RGS7: variants seen among roughly 807,000 people sequenced by gnomAD.
RGS7 encodes the protein regulator of G protein signaling 7.
Under a neutral mutation model 81.1 loss-of-function variants are expected in RGS7, and 27 were observed. That is an observed-to-expected ratio of 0.33 (90% CI 0.25 to 0.46). The LOEUF (loss-of-function observed/expected upper bound fraction) is 0.46, where lower values mean the gene tolerates loss of function less well. Ranked by LOEUF, RGS7 falls within the 20% of genes least tolerant of loss-of-function variation. RGS7 has a pLI of 1.00. For synonymous variants in RGS7, 208 were observed against 207.7 expected (o/e 1.00, Z -0.01); for missense variants, 396 against 607.4 (o/e 0.65, Z 3.66).
intron 9 of RGS7, among the ~76,000 whole-genome samples, chr1:240,829,276 T>C (rs535949373): frequency 1.3e-5 from 2 of 152,236 alleles, no homozygotes; most frequent in South Asian, 4.2e-4. Flanking sequence ...AGTGGTCAGC[T>C]TGGCAGTGTA....
intron 3 of RGS7, among the ~76,000 whole-genome samples, chr1:241,094,608 C>CAAAAA (rs1188508278): frequency 1.1e-4 from 16 of 148,710 alleles, no homozygotes; most frequent in Admixed American, 1.1e-3. Context: ...AACTCTAAAA[C>CAAAAA]CAAAACAAAA....
At chr1:241,245,031 A>G (rs1293783214) in intron 2 of RGS7, among the ~76,000 whole-genome samples, 1 of 152,038 alleles carries the variant, frequency 6.6e-6, no homozygotes, top group East Asian at 1.9e-4. Flanking sequence ...TGGGTGCAGC[A>G]CACCAGCATG....
At chr1:240,913,307 CT>C (rs1465613849) in intron 6 of RGS7, among the ~76,000 whole-genome samples, 1 of 152,016 alleles carries the variant, frequency 6.6e-6, no homozygotes, top group Non-Finnish European at 1.5e-5. Context: ...ACATGCATAC[CT>C]ACATGTAAAA....
intron 2 of RGS7, among the ~76,000 whole-genome samples, chr1:241,121,328 G>T (rs1014358194): frequency 6.6e-6 from 1 of 152,184 alleles, no homozygotes; most frequent in Non-Finnish European, 1.5e-5. Flanking sequence ...TTTTGCAGGA[G>T]AATTTCAAGG....
chr1:241,196,063 C>A (rs1325510790), intron 2 of RGS7, among the ~76,000 whole-genome samples: 1 of 151,498 alleles, frequency 6.6e-6, no homozygotes, highest in Non-Finnish European at 1.5e-5. Context: ...TTTCTGAAAA[C>A]CAAAGTCAAA....
chr1:241,194,464 A>G (rs989973990), intron 2 of RGS7, among the ~76,000 whole-genome samples: 1 of 152,236 alleles, frequency 6.6e-6, no homozygotes, highest in Non-Finnish European at 1.5e-5. Context: ...ACTAAAAGCT[A>G]TATTCTAACA....
At chr1:241,222,741 G>T (rs2075083445) in intron 2 of RGS7, among the ~76,000 whole-genome samples, 2 of 152,096 alleles carry the variant, frequency 1.3e-5, no homozygotes, top group African/African-American at 4.8e-5. Context: ...CACAGCTAAG[G>T]AGTAGAGCCC....
rs556423368 is a variant in RGS7 at position 241,195,133 on chromosome 1, T to C, written c.79-96371A>G. ...CTGAAGCCTCAAAATGCCTTGCAAG[T>C]TTTCATCTAAAATGTATGACACTCA... On this transcript the variant is annotated intron_variant, in intron 2 of 18. Transcript: ENST00000440928. 2.6e-5 allele frequency among the ~76,000 whole-genome samples: 4 copies of C among 152,236 alleles called. No individual in the cohort carries two copies. In the South Asian group the frequency reaches 8.3e-4, roughly 32 times the overall value.
At chr1:241,180,406 C>A (rs1483726997) in intron 2 of RGS7, among the ~76,000 whole-genome samples, 3 of 151,430 alleles carry the variant, frequency 2.0e-5, no homozygotes, top group African/African-American at 7.3e-5. Flanking sequence ...ACAACAACAA[C>A]AACAAAAAAC....
intron 2 of RGS7, among the ~76,000 whole-genome samples, chr1:241,313,401 T>A (rs970611942): frequency 6.6e-6 from 1 of 152,186 alleles, no homozygotes; most frequent in Middle Eastern, 3.2e-3. Flanking sequence ...GCTGGTGACT[T>A]TAAGTTTATG....
At position 240,833,961 on chromosome 1, in the gene RGS7, A is replaced by G. The variant is rs1694269330; in HGVS notation, c.610-6789T>C. On this transcript the variant is annotated intron_variant, in intron 9 of 18. Transcript: ENST00000440928. ...ATGTCTGGCTAATATTTTATTTTTAATTTTTAGTAGAGACAGGGTCTTGCT... is the reference window on the plus strand; with the variant it reads ...ATGTCTGGCTAATATTTTATTTTTAGTTTTTAGTAGAGACAGGGTCTTGCT... 2.0e-5 allele frequency among the ~76,000 whole-genome samples: 3 copies of G among 152,060 alleles called. No homozygotes were observed. The South Asian group carries it at 6.2e-4, about 32-fold the overall frequency.
chr1:240,811,827 G>A (rs2103097484), intron 14 of RGS7, 91 bp downstream of exon 14: 1 of 1,148,190 alleles, frequency 8.7e-7, no homozygotes, highest in Non-Finnish European at 1.3e-6. Flanking sequence ...TGATGTTAGT[G>A]GAAGAATAAT....
intron 11 of RGS7, among the ~76,000 whole-genome samples, chr1:240,816,085 GTAAA>G (rs1217617741): frequency 6.6e-6 from 1 of 152,212 alleles, no homozygotes; most frequent in Non-Finnish European, 1.5e-5. Context: ...AAGGATTTGG[GTAAA>G]TAAAGAGTGA....
intron 2 of RGS7, among the ~76,000 whole-genome samples, chr1:241,259,667 A>AAAAAAAAAAAAAAAAAAATATATATAT: frequency 2.0e-5 from 1 of 49,146 alleles, no homozygotes; most frequent in Non-Finnish European, 3.6e-5. Context: ...AAAAAAAAAA[A>AAAAAAAAAAAAAAAAAAATATATATAT]ATATATATAT....
intron 2 of RGS7, among the ~76,000 whole-genome samples, chr1:241,145,783 AAAAT>A (rs1243720574): frequency 2.0e-5 from 3 of 152,172 alleles, no homozygotes; most frequent in African/African-American, 7.2e-5. Context: ...AATAAATACA[AAAAT>A]AAATATTCTG....
rs376035231 is a variant in RGS7 at position 240,967,109 on chromosome 1, G to C, written c.226+15970C>G. Among the ~76,000 whole-genome samples the C allele has an allele frequency of 1.3e-4, 20 of 152,282 alleles. No homozygotes were observed. The East Asian group carries it at 3.7e-3, about 28-fold the overall frequency. ...GGACAGCCCATGCCCCTGTCAACAG[G>C]GGTGGTGTTTGTCATGTCAAGATAT... On this transcript the variant is annotated intron_variant, in intron 4 of 18. Transcript: ENST00000440928.
At chr1:240,969,819 G>A (rs535687040) in intron 4 of RGS7, among the ~76,000 whole-genome samples, 1 of 152,318 alleles carries the variant, frequency 6.6e-6, no homozygotes, top group East Asian at 1.9e-4. Flanking sequence ...GTTCTGCTGG[G>A]AGTCTCAGGG....
chr1:241,247,167 G>A (rs1204997488), intron 2 of RGS7, among the ~76,000 whole-genome samples: 1 of 152,038 alleles, frequency 6.6e-6, no homozygotes, highest in Non-Finnish European at 1.5e-5. Flanking sequence ...TTCAAAACAA[G>A]GACCTATCAT....
chr1:240,861,586 CAGTCATTTTCATAGT>C (rs1662203103), intron 9 of RGS7, among the ~76,000 whole-genome samples: 1 of 152,022 alleles, frequency 6.6e-6, no homozygotes, highest in South Asian at 2.1e-4. Context: ...TTTTATTTTC[CAGTCATTTTCATAGT>C]AGTCATACAG....
Sources: allele counts gnomAD v4.1 joint callset (sites outside exome capture counted in the v4.1 genomes callset), GRCh38; gene constraint gnomAD v4.1.1; transcripts MANE v1.5; gene names NCBI Gene and HGNC (gene_info 2026-07-23, HGNC 2026-07-21).